The following APLP1 variants were observed in gnomAD, a reference collection of about 807,000 sequenced individuals.
The protein encoded by APLP1 is amyloid beta (A4) precursor-like protein 1.
A neutral mutation model predicts 84.5 loss-of-function variants in APLP1; 46 were observed. That is an observed-to-expected ratio of 0.54 (90% CI 0.43 to 0.70). APLP1 has a LOEUF of 0.70. Ranked by LOEUF, APLP1 falls within the 30% of genes least tolerant of loss-of-function variation. The probability of loss-of-function intolerance (pLI) is 0.00; values close to 1 mark genes in which losing one functional copy is unlikely to be tolerated. For missense variants in APLP1, 826 were observed against 900.2 expected, an observed-to-expected ratio of 0.92 and a Z score of 1.05; for synonymous variants, 376 against 364.0, an observed-to-expected ratio of 1.03 and a Z score of -0.38.
At position 35,872,575 on chromosome 19, in the gene APLP1, A is replaced by G; in HGVS notation, c.943A>G (p.Met315Val). ...GCACGAGGGGTTCCTGAGGGCCAAGATGGACCTGGAGGAGCGTAGGATGCG... is the reference window on the plus strand; with the variant it reads ...GCACGAGGGGTTCCTGAGGGCCAAGGTGGACCTGGAGGAGCGTAGGATGCG... The part of the protein sequence containing the change: ...SEHEGFLRAK[M>V]DLEERRMRQI... Residue 315 changes from methionine to valine, a missense_variant, in exon 7 of 17, where the codon ATG becomes GTG. This residue lies in a region of APLP1 where 433 missense variants were observed against 496.5 expected (regional missense o/e 0.87). Coordinates refer to ENST00000221891, the MANE Select transcript of APLP1 (RefSeq NM_001024807.3). The G allele has an allele frequency of 1.2e-6, 2 of 1,613,872 alleles. No homozygotes were observed. Among genetic ancestry groups the G allele is most frequent in the Non-Finnish European group, 1.7e-6 (2 of 1,179,832 alleles).
At chr19:35,879,252 G>C (rs1974360247) in intron 16 of APLP1, 35 bp downstream of exon 16, 3 of 1,609,598 alleles carry the variant, frequency 1.9e-6, no homozygotes, top group Non-Finnish European at 2.5e-6. Flanking sequence ...TGTGGGAAGA[G>C]TTCCTGAGCC....
intron 10 of APLP1, among the ~76,000 whole-genome samples, chr19:35,875,273 T>G (rs1417442480): frequency 6.7e-6 from 1 of 150,344 alleles, no homozygotes; most frequent in Non-Finnish European, 1.5e-5. Flanking sequence ...GCAATTCTCC[T>G]GCCTCAGCCT....
At chr19:35,870,276 G>T (rs757538518) in intron 2 of APLP1, 3 of 183,406 alleles carry the variant, frequency 1.6e-5, no homozygotes, top group Non-Finnish European at 3.4e-5. Context: ...AGACGAATCT[G>T]ACTGCGGGGA....
In APLP1 at chr19:35,872,469, C is replaced by G. The variant is rs772620224; in HGVS notation, c.851-14C>G. The G allele has an allele frequency of 6.2e-7, 1 of 1,609,408 alleles. No individual in the cohort carries two copies. Among genetic ancestry groups the G allele is most frequent in the South Asian group, 1.1e-5 (1 of 90,560 alleles). Reference sequence around the variant, plus strand: ...GTGGGCTGCAGACTGACCTCCTGATCCCTGGTCTTGCAGTCACTCCCACCC... The same window carrying G: ...GTGGGCTGCAGACTGACCTCCTGATGCCTGGTCTTGCAGTCACTCCCACCC... On this transcript the variant is annotated splice_polypyrimidine_tract_variant and intron_variant, in intron 6 of 16. Transcript: ENST00000221891.
Position 35,874,419 on chromosome 19 carries a change from A to T in APLP1, c.1057-85A>T. ...GACCCCTGGAACGCCCCCCAACCCC[A>T]TGTAGCCCTGCCTTTCCAGGCTCTC... On this transcript the variant is annotated intron_variant, in intron 8 of 16. Transcript: ENST00000221891. This position sits in a 1 kb window ranked among gnomAD's most constrained non-coding sequence, Gnocchi z 6.4. The T allele has an allele frequency of 6.5e-7, 1 of 1,545,802 alleles. No individual in the cohort carries two copies. Among genetic ancestry groups the T allele is most frequent in the East Asian group, 2.3e-5 (1 of 44,198 alleles).
At chr19:35,878,794 A>G in intron 14 of APLP1, 96 bp from the exon 15 acceptor site, 1 of 1,556,392 alleles carries the variant, frequency 6.4e-7, no homozygotes, top group South Asian at 1.1e-5. Context: ...TTGAGATCCT[A>G]GAAAATGAGA....
chr19:35,872,399 C>T (rs1974176260), intron 6 of APLP1, 84 bp from the exon 7 acceptor site: 1 of 1,543,184 alleles, frequency 6.5e-7, no homozygotes. Context: ...GTCTCCAGTG[C>T]ACTCTAGGAA....
In APLP1 at chr19:35,871,324, C is replaced by T; in HGVS notation, c.512C>T (p.Thr171Ile). Residue 171 changes from threonine to isoleucine, a missense_variant, in exon 4 of 17, where the codon ACC becomes ATC. Transcript: ENST00000221891. ...QERMDQCESS[T>I]RRHQEAQEAC... ...CGCATGGACCAATGTGAGAGTTCAA[C>T]CCGGAGGCATCAGGAGGCACAGGAG... The T allele has an allele frequency of 1.9e-6, 3 of 1,612,522 alleles. No individual in the cohort carries two copies. Among genetic ancestry groups the T allele is most frequent in the Non-Finnish European group, 1.7e-6 (2 of 1,179,408 alleles).
rs753886590 is a variant in APLP1 at position 35,872,029 on chromosome 19, C to T, written c.843C>T (p.Val281=). Residue 281 remains valine, a synonymous_variant, in exon 6 of 17, where the codon GTC becomes GTT. Coordinates refer to ENST00000221891, the MANE Select transcript of APLP1 (RefSeq NM_001024807.3). ...CAAGCTCCCATACACTTGCAGTGGT[C>T]GGCAAAGGTGAGGCAGTCTCTGAAC... ...PPPSSHTLAV[V]GKVTPTPRPT... 1.3e-5 allele frequency: 21 copies of T among 1,613,310 alleles called. No individual in the cohort carries two copies. Among genetic ancestry groups the T allele is most frequent in the East Asian group, 6.7e-5 (3 of 44,872 alleles).
At position 35,879,491 on chromosome 19, in the gene APLP1, G is replaced by T. The variant is rs1452699152; in HGVS notation, c.*50G>T. The T allele has an allele frequency of 1.3e-6, 2 of 1,556,564 alleles. No homozygotes were observed. The highest frequency in any genetic ancestry group is 1.4e-5 in the African/African-American group (1 of 73,778). ...CGAGCCCAGACCTCCCCTCTTCCTGGAGCCCCAGAACCCCAACTCCCAGCC... is the reference window on the plus strand; with the variant it reads ...CGAGCCCAGACCTCCCCTCTTCCTGTAGCCCCAGAACCCCAACTCCCAGCC... On this transcript the variant is annotated 3_prime_UTR_variant, in exon 17 of 17. Coordinates refer to ENST00000221891, the MANE Select transcript of APLP1 (RefSeq NM_001024807.3).
intron 11 of APLP1, among the ~76,000 whole-genome samples, chr19:35,877,270 C>T (rs1016485896): frequency 6.6e-6 from 1 of 152,044 alleles, no homozygotes; most frequent in Non-Finnish European, 1.5e-5. Flanking sequence ...GGGTGGATCA[C>T]TTGAGGTCAG....
rs1169192034 is a variant in APLP1 at position 35,869,807 on chromosome 19, A to G, written c.288A>G (p.Arg96=). The G allele has an allele frequency of 6.3e-7, 1 of 1,594,422 alleles. No homozygotes were observed. The highest frequency in any genetic ancestry group is 8.5e-7 in the Non-Finnish European group (1 of 1,171,874). Residue 96 remains arginine (R), a synonymous_variant, in exon 2 of 17, where the codon AGA becomes AGG. Coordinates refer to ENST00000221891, the MANE Select transcript of APLP1 (RefSeq NM_001024807.3). ...RDPQRVLEYC[R]QMYPELQIAR... ...CGCAGCGCGTGCTGGAGTACTGCAG[A>G]CAGGTGGGCGGGGCCGAACGGGAGA...
intron 16 of APLP1, 46 bp downstream of exon 16, chr19:35,879,263 C>G: frequency 1.2e-6 from 2 of 1,608,498 alleles, no homozygotes; most frequent in Non-Finnish European, 1.7e-6. Context: ...TTCCTGAGCC[C>G]GGGTGTGGGC....
intron 12 of APLP1, 97 bp from the exon 13 acceptor site, chr19:35,877,985 C>T: frequency 7.0e-7 from 1 of 1,425,930 alleles, no homozygotes; most frequent in Non-Finnish European, 9.7e-7. Flanking sequence ...GATCCCCAAT[C>T]CTCCTTCTTA....
At chr19:35,872,846 GTT>G (rs758120842) in intron 7 of APLP1, among the ~76,000 whole-genome samples, 10 of 144,206 alleles carry the variant, frequency 6.9e-5, no homozygotes, top group South Asian at 4.4e-4. Flanking sequence ...CACTTTATTG[GTT>G]TTTTTTTTTT....
At position 35,869,798 on chromosome 19, in the gene APLP1, G is replaced by A; in HGVS notation, c.279G>A (p.Glu93=). ...RCLRDPQRVL[E]YCRQMYPELQ... is the part of the protein sequence containing the mutation. The stretch of plus-strand genomic sequence containing the variant: ...TCCGGGACCCGCAGCGCGTGCTGGA[G>A]TACTGCAGACAGGTGGGCGGGGCCG... Residue 93 remains glutamate, a synonymous_variant, in exon 2 of 17, where the codon GAG becomes GAA. Transcript: ENST00000221891. 1 of 1,598,840 alleles carries A rather than the reference G, an allele frequency of 6.3e-7. No homozygotes were observed. The highest frequency in any genetic ancestry group is 8.5e-7 in the Non-Finnish European group (1 of 1,173,946).
Position 35,879,480 on chromosome 19 carries a change from C to T in APLP1, c.*39C>T. On this transcript the variant is annotated 3_prime_UTR_variant, in exon 17 of 17. Transcript: ENST00000221891. ...ACCCCTTCAGCCGAGCCCAGACCTC[C>T]CCTCTTCCTGGAGCCCCAGAACCCC... The T allele has an allele frequency of 6.3e-7, 1 of 1,587,164 alleles. No individual in the cohort carries two copies. Among genetic ancestry groups the T allele is most frequent in the African/African-American group, 1.3e-5 (1 of 74,486 alleles).
chr19:35,876,896 T>C (rs1249697453), intron 11 of APLP1, among the ~76,000 whole-genome samples: 1 of 152,156 alleles, frequency 6.6e-6, no homozygotes, highest in East Asian at 1.9e-4. Flanking sequence ...GACCTTTCTC[T>C]CTCTCCAAGG....
chr19:35,879,388 C>A lies in APLP1; in HGVS notation c.1903C>A (p.Gln635Lys). 1 of 1,613,978 alleles carries A rather than the reference C, an allele frequency of 6.2e-7. No homozygotes were observed. The highest frequency in any genetic ancestry group is 8.5e-7 in the Non-Finnish European group (1 of 1,180,012). The part of the protein sequence containing the change: ...TLEEQQLREL[Q>K]RHGYENPTYR... ...GGAGGAGCAGCAGCTCCGCGAACTGCAGCGGCACGGCTATGAGAACCCCAC... is the reference window on the plus strand; with the variant it reads ...GGAGGAGCAGCAGCTCCGCGAACTGAAGCGGCACGGCTATGAGAACCCCAC... The change falls in exon 17 of 17, where the codon CAG (glutamine) becomes AAG (lysine). Residue 635 changes from glutamine to lysine, a missense_variant. Gln to Lys is a moderately conservative substitution (Grantham distance 53). This residue lies in a region of APLP1 where 433 missense variants were observed against 496.5 expected (regional missense o/e 0.87). Transcript: ENST00000221891.
Sources: allele counts gnomAD v4.1 joint callset (sites outside exome capture counted in the v4.1 genomes callset), GRCh38; gene constraint gnomAD v4.1.1; regional missense constraint gnomAD v4.1.1; non-coding constraint Gnocchi (gnomAD v3.1); transcripts MANE v1.5; gene names NCBI Gene and HGNC (gene_info 2026-07-23, HGNC 2026-07-21).